Variants in ARHGEF33 observed in about 807,000 individuals in gnomAD.
The protein encoded by ARHGEF33 is Rho guanine nucleotide exchange factor 33.
Under a neutral mutation model 101.9 loss-of-function variants are expected in ARHGEF33, and 72 were observed. The observed-to-expected ratio is 0.71, with a 90% CI of 0.58 to 0.86. The LOEUF (loss-of-function observed/expected upper bound fraction) is 0.86, where lower values mean the gene tolerates loss of function less well. ARHGEF33 is among the 40% of genes least tolerant of loss of function. ARHGEF33 has a pLI of 0.00. For missense variants in ARHGEF33, 1,169 were observed against 1,111.3 expected, an observed-to-expected ratio of 1.05 and a Z score of -0.74; for synonymous variants, 499 against 442.5, an observed-to-expected ratio of 1.13 and a Z score of -1.60.
chr2:38,890,644 T>C (rs1352267719), intron 1 of ARHGEF33, among the ~76,000 whole-genome samples: 1 of 152,236 alleles, frequency 6.6e-6, no homozygotes, highest in Admixed American at 6.5e-5. Context: ...TGGAATTATG[T>C]GAGTTTTTAT....
At chr2:38,946,183 G>A (rs182377978) in intron 10 of ARHGEF33, among the ~76,000 whole-genome samples, 2 of 152,320 alleles carry the variant, frequency 1.3e-5, no homozygotes, top group African/African-American at 4.8e-5. Flanking sequence ...GGTCATAGGG[G>A]AGAGACCAGA....
At chr2:38,929,558 T>A in intron 5 of ARHGEF33, 151 bp from the exon 6 acceptor site, 2 of 536,820 alleles carry the variant, frequency 3.7e-6, no homozygotes, top group South Asian at 7.8e-5. Flanking sequence ...GTGTTAAAAT[T>A]TGAGGCCACG....
chr2:38,958,513 T>C (rs1250351049), intron 15 of ARHGEF33, among the ~76,000 whole-genome samples: 1 of 152,218 alleles, frequency 6.6e-6, no homozygotes, highest in East Asian at 1.9e-4. Context: ...CTAGAGATTA[T>C]ACCCAGACTC....
At chr2:38,913,954 G>A (rs1666572532) in intron 2 of ARHGEF33, among the ~76,000 whole-genome samples, 2 of 151,606 alleles carry the variant, frequency 1.3e-5, no homozygotes, top group South Asian at 4.2e-4. Context: ...GCAAATCAGA[G>A]GATTAGATAA....
At chr2:38,911,067 A>G (rs559724958) in intron 2 of ARHGEF33, among the ~76,000 whole-genome samples, 3 of 152,226 alleles carry the variant, frequency 2.0e-5, no homozygotes, top group East Asian at 3.8e-4. Flanking sequence ...GATAACATAC[A>G]TGAGAGTGCT....
At position 38,943,175 on chromosome 2, in the gene ARHGEF33, G is replaced by A. The variant is rs535003064; in HGVS notation, c.791-726G>A. Among the ~76,000 whole-genome samples the A allele has an allele frequency of 2.0e-5, 3 of 152,232 alleles. No individual in the cohort carries two copies. In the East Asian group the frequency reaches 5.8e-4, roughly 29 times the overall value. On this transcript the variant is annotated intron_variant, in intron 9 of 17. Coordinates refer to ENST00000409978, the MANE Select transcript of ARHGEF33 (RefSeq NM_001145451.5). ...ACTCCTGACCTCAGGTGATCTACCC[G>A]CCTTGGCCTCCCAAAGTGCTAGGAT...
chr2:38,916,424 G>C (rs570954994), intron 2 of ARHGEF33, among the ~76,000 whole-genome samples: 102 of 152,148 alleles, frequency 6.7e-4, no homozygotes, highest in Non-Finnish European at 8.5e-4. Flanking sequence ...GTAACATTCT[G>C]TGATTTAATT....
At chr2:38,956,849 A>C (rs1667779400) in intron 13 of ARHGEF33, 50 bp from the exon 14 acceptor site, 1 of 1,542,966 alleles carries the variant, frequency 6.5e-7, no homozygotes, top group South Asian at 1.2e-5. Flanking sequence ...GAGAAAAAAC[A>C]AATTTTCATG....
chr2:38,969,623 C>T (rs1023173832), intron 17 of ARHGEF33: 3 of 164,852 alleles, frequency 1.8e-5, no homozygotes, highest in Admixed American at 6.5e-5. Context: ...AAAAGAATGA[C>T]CTTCTGATTG....
Position 38,960,536 on chromosome 2 carries a change from C to A in ARHGEF33, c.2231C>A (p.Ala744Glu). ...GRAPIKAERAAQAHGPAAAAV... is the reference protein window; with the variant it reads ...GRAPIKAERAEQAHGPAAAAV... ...GCGCCCATCAAGGCCGAGCGCGCCG[C>A]GCAGGCGCACGGCCCGGCCGCCGCC... The change falls in exon 16 of 18, where the codon GCG becomes GAG. Residue 744 changes from alanine (A) to glutamate (E), a missense_variant. Ala to Glu is a moderately radical substitution (Grantham distance 107, BLOSUM62 -1). Coordinates refer to ENST00000409978, the MANE Select transcript of ARHGEF33 (RefSeq NM_001145451.5). 9 of 1,252,484 alleles carry A rather than the reference C, an allele frequency of 7.2e-6. No individual in the cohort carries two copies. The highest frequency in any genetic ancestry group is 9.0e-6 in the Non-Finnish European group (9 of 995,312). 77.6% of individuals were successfully genotyped at this position (1,252,484 alleles called of 1,614,324 possible).
chr2:38,931,893 T>A (rs1271438118), intron 7 of ARHGEF33, among the ~76,000 whole-genome samples: 1 of 152,216 alleles, frequency 6.6e-6, no homozygotes, highest in Non-Finnish European at 1.5e-5. Flanking sequence ...TGACATTTCC[T>A]CTTATTTATG....
intron 8 of ARHGEF33, among the ~76,000 whole-genome samples, chr2:38,936,526 A>G (rs951700959): frequency 8.5e-5 from 13 of 152,230 alleles, no homozygotes; most frequent in Admixed American, 2.0e-4. Flanking sequence ...TCATTTTAAA[A>G]AGCTCCTTAT....
intron 15 of ARHGEF33, among the ~76,000 whole-genome samples, 160 bp downstream of exon 15, chr2:38,958,358 G>A (rs1448971787): frequency 1.3e-5 from 2 of 152,210 alleles, no homozygotes; most frequent in Non-Finnish European, 2.9e-5. Context: ...CCCAGAGGAA[G>A]GCACTAATGT....
chr2:38,911,094 A>G (rs1220772039), intron 2 of ARHGEF33, among the ~76,000 whole-genome samples: 1 of 152,204 alleles, frequency 6.6e-6, no homozygotes, highest in Non-Finnish European at 1.5e-5. Flanking sequence ...ACTACGAAGC[A>G]TGAACAAACA....
intron 2 of ARHGEF33, among the ~76,000 whole-genome samples, chr2:38,911,305 A>G (rs899577960): frequency 1.1e-4 from 16 of 152,214 alleles, no homozygotes; most frequent in African/African-American, 3.6e-4. Context: ...TCCCCCCAGC[A>G]TAAAAAGTTC....
chr2:38,917,568 G>T (rs989999282), intron 2 of ARHGEF33, among the ~76,000 whole-genome samples: 6 of 151,906 alleles, frequency 3.9e-5, no homozygotes, highest in Admixed American at 6.6e-5. Context: ...AGTGGCTCAT[G>T]ACTGTAATCT....
At chr2:38,913,153 C>T (rs1046575722) in intron 2 of ARHGEF33, among the ~76,000 whole-genome samples, 1 of 151,990 alleles carries the variant, frequency 6.6e-6, no homozygotes, top group Non-Finnish European at 1.5e-5. Context: ...CCTTCCGCCA[C>T]AGCCTCCCAA....
chr2:38,946,372 T>C lies in ARHGEF33; in HGVS notation c.920+2342T>C, dbSNP rs574486118. 7.0e-4 allele frequency among the ~76,000 whole-genome samples: 106 copies of C among 152,332 alleles called. 4 individuals are homozygous for C. In the South Asian group the frequency reaches 0.018, roughly 26 times the overall value. On this transcript the variant is annotated intron_variant, in intron 10 of 17. Coordinates refer to ENST00000409978, the MANE Select transcript of ARHGEF33 (RefSeq NM_001145451.5). Reference sequence around the variant, plus strand: ...ACAATCCTCTATGAAAGTAAGATCATAGTTATTTCAAGATATCTGCGATAA... The same window carrying C: ...ACAATCCTCTATGAAAGTAAGATCACAGTTATTTCAAGATATCTGCGATAA...
rs1253024836 is a variant in ARHGEF33, at chr2:38,965,924, A to C, written c.2344-82A>C. Reference sequence around the variant, plus strand: ...TTTGGCATGGGAGAGGAAAGTCACAACACCACAAAATTGTCCCATAGTCAG... The same window carrying C: ...TTTGGCATGGGAGAGGAAAGTCACACCACCACAAAATTGTCCCATAGTCAG... On this transcript the variant is annotated intron_variant, in intron 16 of 17. Coordinates refer to ENST00000409978, the MANE Select transcript of ARHGEF33 (RefSeq NM_001145451.5). 13 of 1,497,934 alleles carry C rather than the reference A, an allele frequency of 8.7e-6. No homozygotes were observed. The East Asian group carries it at 1.5e-4, about 17-fold the overall frequency. The allele number at this position is 1,497,934 out of a possible 1,614,324, so 92.8% of individuals were successfully genotyped here.
Sources: gnomAD v4.1 joint callset for allele counts (sites outside exome capture counted in the v4.1 genomes callset) on GRCh38, gnomAD v4.1.1 for gene constraint, MANE v1.5 for transcripts, NCBI Gene and HGNC (gene_info 2026-07-23, HGNC 2026-07-21) for gene names.